Variants in NTM observed in about 807,000 individuals in gnomAD.
The protein encoded by NTM is neurotrimin.
In NTM, 13 loss-of-function variants were observed where a neutral mutation model predicts 42.1. The observed-to-expected ratio is 0.31, with a 90% CI of 0.20 to 0.49. NTM has a LOEUF of 0.49. NTM is among the 20% of genes least tolerant of loss of function. NTM has a pLI of 0.99. For missense variants in NTM, 373 were observed against 452.8 expected (o/e 0.82, Z 1.60); for synonymous variants, 187 against 179.2 (o/e 1.04, Z -0.35).
intron 1 of NTM, among the ~76,000 whole-genome samples, chr11:131,626,196 C>T (rs771188709): frequency 1.3e-5 from 2 of 152,080 alleles, no homozygotes; most frequent in Non-Finnish European, 2.9e-5. Context: ...TTCAAACACA[C>T]ATGGAGAATA....
intron 2 of NTM, among the ~76,000 whole-genome samples, chr11:132,128,533 C>G (rs1321995380): frequency 6.6e-6 from 1 of 151,930 alleles, no homozygotes; most frequent in Non-Finnish European, 1.5e-5. Flanking sequence ...GAAACAGGAG[C>G]CTCAAAGAAT....
chr11:132,120,557 A>G (rs963943523), intron 2 of NTM, among the ~76,000 whole-genome samples: 2 of 152,220 alleles, frequency 1.3e-5, no homozygotes, highest in Admixed American at 6.5e-5. Context: ...ATCACTCCAT[A>G]TAAAGAATAG....
intron 3 of NTM, among the ~76,000 whole-genome samples, chr11:132,160,328 C>A (rs2074022113): frequency 6.6e-6 from 1 of 152,188 alleles, no homozygotes; most frequent in Non-Finnish European, 1.5e-5. Flanking sequence ...GAAGTGCCCT[C>A]AAGGGTCAGC....
intron 1 of NTM, among the ~76,000 whole-genome samples, chr11:131,828,212 G>A (rs140925737): frequency 8.4e-4 from 128 of 151,890 alleles, no homozygotes; most frequent in African/African-American, 2.8e-3. Context: ...AACCCTGTGC[G>A]TAGCAAGTAC....
chr11:131,886,245 C>A (rs1316751138), intron 1 of NTM, among the ~76,000 whole-genome samples: 3 of 152,168 alleles, frequency 2.0e-5, no homozygotes, highest in Admixed American at 1.3e-4. Flanking sequence ...ATGGTTCACG[C>A]CATGAAAACC....
intron 3 of NTM, among the ~76,000 whole-genome samples, chr11:132,204,649 G>A (rs1250945083): frequency 6.6e-6 from 1 of 152,214 alleles, no homozygotes; most frequent in Non-Finnish European, 1.5e-5. Context: ...GTGGCCAGCA[G>A]GGTGAGGAAG....
chr11:131,376,566 G>A (rs1223539354), intron 1 of NTM, among the ~76,000 whole-genome samples: 1 of 152,042 alleles, frequency 6.6e-6, no homozygotes, highest in African/African-American at 2.4e-5. Flanking sequence ...TCATTGCGGA[G>A]AAGAGCGTAT....
chr11:132,005,453 G>C (rs2070553669), intron 2 of NTM, among the ~76,000 whole-genome samples: 1 of 152,200 alleles, frequency 6.6e-6, no homozygotes, highest in Non-Finnish European at 1.5e-5. Flanking sequence ...GTGGCAGACA[G>C]ATAGATAGTA....
chr11:132,075,203 G>C (rs7951827), intron 2 of NTM, among the ~76,000 whole-genome samples: 1 of 151,868 alleles, frequency 6.6e-6, no homozygotes, highest in African/African-American at 2.4e-5. Flanking sequence ...GAATGAGCAT[G>C]GAGTTTCAGT....
chr11:131,715,865 T>C (rs553438956), intron 1 of NTM, among the ~76,000 whole-genome samples: 1 of 152,250 alleles, frequency 6.6e-6, no homozygotes, highest in South Asian at 2.1e-4. Flanking sequence ...TATTCCACAG[T>C]ATGCATATAT....
At chr11:131,669,022 G>C (rs1376872916) in intron 1 of NTM, among the ~76,000 whole-genome samples, 2 of 152,172 alleles carry the variant, frequency 1.3e-5, no homozygotes, top group African/African-American at 4.8e-5. Context: ...CTGGAGCTTG[G>C]GGAAGCCACC....
chr11:131,414,200 CAT>C (rs939527159), intron 1 of NTM, among the ~76,000 whole-genome samples: 23 of 152,336 alleles, frequency 1.5e-4, no homozygotes, highest in African/African-American at 5.1e-4. Flanking sequence ...TCTAGAGACA[CAT>C]GTTACACTGT....
At chr11:132,176,884 A>G (rs1245881003) in intron 3 of NTM, among the ~76,000 whole-genome samples, 1 of 151,852 alleles carries the variant, frequency 6.6e-6, no homozygotes, top group Non-Finnish European at 1.5e-5. Flanking sequence ...GCCCACCACC[A>G]CATCTGGCTA....
At chr11:131,939,295 A>G (rs1219464980) in intron 2 of NTM, among the ~76,000 whole-genome samples, 1 of 152,180 alleles carries the variant, frequency 6.6e-6, no homozygotes, top group Non-Finnish European at 1.5e-5. Context: ...ACAGTGACCG[A>G]TTTTGTGGAA....
At chr11:131,640,641 A>G (rs2065019923) in intron 1 of NTM, among the ~76,000 whole-genome samples, 1 of 152,208 alleles carries the variant, frequency 6.6e-6, no homozygotes, top group South Asian at 2.1e-4. Context: ...GGTGATTTCA[A>G]TTAAGTGCTG....
At chr11:131,458,751 C>G (rs1190400069) in intron 1 of NTM, among the ~76,000 whole-genome samples, 4 of 152,256 alleles carry the variant, frequency 2.6e-5, no homozygotes, top group Admixed American at 2.6e-4. Context: ...CCAGGGCTGT[C>G]TAAACTGGGT....
intron 1 of NTM, chr11:131,910,864 C>T (rs1267551109): frequency 1.9e-5 from 19 of 985,146 alleles, no homozygotes; most frequent in Non-Finnish European, 2.2e-5. Context: ...ACCGAGGCGG[C>T]TGCCGCAGGA....
intron 7 of NTM, among the ~76,000 whole-genome samples, chr11:132,322,912 C>T (rs1482190130): frequency 7.0e-6 from 1 of 143,800 alleles, no homozygotes; most frequent in East Asian, 2.0e-4. Flanking sequence ...AACTGAACAA[C>T]CCGCTCCTGA....
At chr11:132,279,565 T>G (rs2093885789) in intron 4 of NTM, among the ~76,000 whole-genome samples, 1 of 152,204 alleles carries the variant, frequency 6.6e-6, no homozygotes, top group African/African-American at 2.4e-5. Context: ...TATGTATAAA[T>G]ACTTAAAACC....
Sources: gnomAD v4.1 joint callset for allele counts (sites outside exome capture counted in the v4.1 genomes callset) on GRCh38, gnomAD v4.1.1 for gene constraint, MANE v1.5 for transcripts, NCBI Gene and HGNC (gene_info 2026-07-23, HGNC 2026-07-21) for gene names.